The following SSBP3 variants were observed in gnomAD, a reference collection of about 807,000 sequenced individuals.
The protein encoded by SSBP3 is single stranded DNA binding protein 3.
SSBP3 carries 5 observed loss-of-function variants against 69.6 expected under a neutral mutation model. The observed-to-expected ratio is 0.07, with a 90% CI of 0.04 to 0.15. The LOEUF (loss-of-function observed/expected upper bound fraction) is 0.15, where lower values mean the gene tolerates loss of function less well. SSBP3 is among the 10% of genes least tolerant of loss of function. The pLI, the probability that SSBP3 is intolerant of heterozygous loss-of-function variation, is 1.00. For missense variants in SSBP3, 312 were observed against 534.0 expected (o/e 0.58, Z 4.10); for synonymous variants, 196 against 193.4 (o/e 1.01, Z -0.11).
Position 54,238,064 on chromosome 1 carries a change from A to G in SSBP3, c.927+1065T>C, listed in dbSNP as rs1415126196. The stretch of plus-strand genomic sequence containing the variant: ...GACTTTCTGTGTCCTGGGATTCCTC[A>G]GGATGTGGGGCTTTTTAGTGTTAAA... On this transcript the variant is annotated intron_variant, in intron 14 of 17. Coordinates refer to ENST00000610401, the Ensembl canonical transcript of SSBP3. 4 of 444,258 alleles carry G rather than the reference A, an allele frequency of 9.0e-6. No homozygotes were observed. The East Asian group carries it at 2.9e-4, about 32-fold the overall frequency. 27.5% of individuals were successfully genotyped at this position (444,258 alleles called of 1,614,324 possible).
chr1:54,254,660 T>A (rs1356186846), intron 7 of SSBP3, among the ~76,000 whole-genome samples: 3 of 152,152 alleles, frequency 2.0e-5, no homozygotes, highest in Non-Finnish European at 4.4e-5. Flanking sequence ...AGGAGAGAAC[T>A]GAGCTAACTC....
At chr1:54,260,410 GC>G (rs1488191047) in intron 5 of SSBP3, among the ~76,000 whole-genome samples, 15 of 152,296 alleles carry the variant, frequency 9.8e-5, no homozygotes, top group Admixed American at 2.6e-4. Flanking sequence ...GTCAGGGAGG[GC>G]AGGAGGCTGG....
intron 4 of SSBP3, among the ~76,000 whole-genome samples, chr1:54,390,402 GCT>G (rs1382129508): frequency 3.3e-5 from 5 of 152,024 alleles, no homozygotes; most frequent in African/African-American, 7.2e-5. Context: ...TTCTCTTCCA[GCT>G]CTCTCTGAAG....
chr1:54,241,443 G>A, intron 12 of SSBP3, 31 bp downstream of exon 12: 1 of 1,613,330 alleles, frequency 6.2e-7, no homozygotes, highest in Non-Finnish European at 8.5e-7. Context: ...CACGTGGCTA[G>A]ACATGCAATG....
intron 4 of SSBP3, among the ~76,000 whole-genome samples, chr1:54,335,447 G>GC (rs1646491661): frequency 6.6e-6 from 1 of 152,154 alleles, no homozygotes; most frequent in African/African-American, 2.4e-5. Flanking sequence ...CAGACTCTGG[G>GC]CCCCGGCAAC....
chr1:54,332,763 T>C (rs1646440029), intron 4 of SSBP3, among the ~76,000 whole-genome samples: 1 of 152,126 alleles, frequency 6.6e-6, no homozygotes, highest in Admixed American at 6.5e-5. Flanking sequence ...ACTTGCTCCC[T>C]TGTCCCACAG....
chr1:54,368,304 A>AG (rs978747808), intron 4 of SSBP3, among the ~76,000 whole-genome samples: 3 of 151,740 alleles, frequency 2.0e-5, no homozygotes, highest in Admixed American at 1.3e-4. Context: ...AAAAAAAAAA[A>AG]AAAAGAAAAC....
chr1:54,308,375 G>A (rs534357788), intron 4 of SSBP3, among the ~76,000 whole-genome samples: 74 of 152,062 alleles, frequency 4.9e-4, no homozygotes, highest in Non-Finnish European at 3.7e-4. Flanking sequence ...GCCAAGGTGG[G>A]TGGATCATGA....
chr1:54,332,995 G>A (rs768154211), intron 4 of SSBP3, among the ~76,000 whole-genome samples: 4 of 152,324 alleles, frequency 2.6e-5, no homozygotes, highest in South Asian at 2.1e-4. Flanking sequence ...ACTGTCAGCA[G>A]TTCTGCTGCG....
At chr1:54,388,469 ACTG>A (rs1036134345) in intron 4 of SSBP3, among the ~76,000 whole-genome samples, 2 of 152,242 alleles carry the variant, frequency 1.3e-5, no homozygotes, top group African/African-American at 2.4e-5. Context: ...AATGGTGGTC[ACTG>A]CTGTTTCAGA....
intron 4 of SSBP3, among the ~76,000 whole-genome samples, chr1:54,385,535 G>A (rs1315653418): frequency 1.3e-5 from 2 of 152,024 alleles, no homozygotes; most frequent in African/African-American, 4.8e-5. Context: ...CCTTGGCTAT[G>A]GATCCTGAGT....
chr1:54,242,447 T>C (rs912725615), intron 10 of SSBP3, among the ~76,000 whole-genome samples: 8 of 152,146 alleles, frequency 5.3e-5, no homozygotes, highest in African/African-American at 1.9e-4. Flanking sequence ...AGATAAAAAA[T>C]ATGTGAAATT....
chr1:54,249,784 GA>G (rs34204635), intron 9 of SSBP3, among the ~76,000 whole-genome samples: 68 of 145,426 alleles, frequency 4.7e-4, no homozygotes, highest in South Asian at 6.5e-4. Context: ...CCTGTTAAAA[GA>G]AAAAAAAAAA....
chr1:54,395,552 G>A (rs963125777), intron 4 of SSBP3, among the ~76,000 whole-genome samples: 2 of 152,170 alleles, frequency 1.3e-5, no homozygotes, highest in Admixed American at 6.5e-5. Context: ...GGGGTGCAGG[G>A]GTGAGACATG....
At chr1:54,380,987 A>G (rs12061643) in intron 4 of SSBP3, among the ~76,000 whole-genome samples, 366 of 152,072 alleles carry the variant, frequency 2.4e-3, no homozygotes, top group Middle Eastern at 0.014. Flanking sequence ...TTAGCTGGGC[A>G]TGGTGGTACA....
chr1:54,310,097 A>C (rs1420694285), intron 4 of SSBP3, among the ~76,000 whole-genome samples: 1 of 152,114 alleles, frequency 6.6e-6, no homozygotes, highest in African/African-American at 2.4e-5. Flanking sequence ...CAGCAACTCC[A>C]AGGGCCCCAG....
At chr1:54,321,736 A>G (rs12120218) in intron 4 of SSBP3, among the ~76,000 whole-genome samples, 54,740 of 152,168 alleles carry the variant, frequency 0.36, 11,390 homozygotes, top group African/African-American at 0.56. Context: ...ACTCACGCAA[A>G]CATACTGGAG....
chr1:54,240,085 TGTGCGCGCGCGCGCGTGTGC>T (rs1414431451), intron 13 of SSBP3, among the ~76,000 whole-genome samples: 8 of 38,566 alleles, frequency 2.1e-4, no homozygotes, highest in Non-Finnish European at 4.2e-4. Context: ...TGTGTGTGTG[TGTGCGCGCGCGCGCGTGTGC>T]GTGCGCGCGC....
intron 4 of SSBP3, among the ~76,000 whole-genome samples, chr1:54,361,132 G>A (rs1315574975): frequency 6.6e-6 from 1 of 152,072 alleles, no homozygotes; most frequent in Non-Finnish European, 1.5e-5. Context: ...AAAGCAGTTT[G>A]CATAGAGAGT....
Sources: gnomAD v4.1 joint callset for allele counts (sites outside exome capture counted in the v4.1 genomes callset) on GRCh38, gnomAD v4.1.1 for gene constraint, MANE v1.5 for transcripts, NCBI Gene and HGNC (gene_info 2026-07-23, HGNC 2026-07-21) for gene names.